LRMDA: variants seen among roughly 807,000 people sequenced by gnomAD.
LRMDA encodes leucine rich melanocyte differentiation associated.
Under a neutral mutation model 29.8 loss-of-function variants are expected in LRMDA, and 18 were observed. That is an observed-to-expected ratio of 0.60 (90% CI 0.42 to 0.90). The LOEUF is 0.90. Among genes scored for constraint, LRMDA ranks in the 40% least tolerant of loss-of-function variants. The probability of loss-of-function intolerance (pLI) is 0.00; values close to 1 mark genes in which losing one functional copy is unlikely to be tolerated. For missense variants in LRMDA, 273 were observed against 273.9 expected, an observed-to-expected ratio of 1.00 and a Z score of 0.02; for synonymous variants, 125 against 109.4, an observed-to-expected ratio of 1.14 and a Z score of -0.89.
At chr10:76,532,273 A>G (rs1843242614) in intron 6 of LRMDA, among the ~76,000 whole-genome samples, 1 of 152,138 alleles carries the variant, frequency 6.6e-6, no homozygotes, top group South Asian at 2.1e-4. Flanking sequence ...GAGAACATGC[A>G]CAAACCTCTA....
intron 2 of LRMDA, among the ~76,000 whole-genome samples, chr10:75,849,140 T>C (rs992696317): frequency 2.6e-5 from 4 of 152,160 alleles, no homozygotes; most frequent in African/African-American, 9.7e-5. Context: ...GTGACCCTCG[T>C]CCCAGTGTCC....
At position 75,636,561 on chromosome 10, in the gene LRMDA, G is replaced by A. The variant is rs567338034; in HGVS notation, c.131+198067G>A. 2.6e-5 allele frequency among the ~76,000 whole-genome samples: 4 copies of A among 152,068 alleles called. No homozygotes were observed. In the East Asian group the frequency reaches 7.7e-4, roughly 29 times the overall value. ...ATTGCCTTTTTTCATTTTTTTTCATGAGATGTATTATTTATAAAATAAGAA... is the reference window on the plus strand; with the variant it reads ...ATTGCCTTTTTTCATTTTTTTTCATAAGATGTATTATTTATAAAATAAGAA... On this transcript the variant is annotated intron_variant, in intron 2 of 6. Transcript: ENST00000611255.
intron 5 of LRMDA, among the ~76,000 whole-genome samples, chr10:76,113,978 G>T (rs935628270): frequency 6.6e-6 from 1 of 152,202 alleles, no homozygotes; most frequent in Non-Finnish European, 1.5e-5. Context: ...GTTTTAAGTT[G>T]GTGCTTATAC....
At chr10:76,040,799 G>A (rs1041520206) in intron 3 of LRMDA, among the ~76,000 whole-genome samples, 1 of 152,222 alleles carries the variant, frequency 6.6e-6, no homozygotes, top group Non-Finnish European at 1.5e-5. Context: ...CACATAAGCA[G>A]ATTTTATTTG....
chr10:76,003,163 A>T (rs11001572), intron 2 of LRMDA, among the ~76,000 whole-genome samples: 5,239 of 152,094 alleles, frequency 0.034, 313 homozygotes, highest in African/African-American at 0.12. Flanking sequence ...AGGGAGCGCC[A>T]CCCCTGGCTG....
intron 2 of LRMDA, among the ~76,000 whole-genome samples, chr10:75,957,970 A>G (rs1846693647): frequency 6.6e-6 from 1 of 152,200 alleles, no homozygotes; most frequent in Admixed American, 6.5e-5. Flanking sequence ...TAGAGTAAAG[A>G]ACCCGTCATG....
intron 2 of LRMDA, among the ~76,000 whole-genome samples, chr10:75,474,276 T>C (rs1844761971): frequency 6.6e-6 from 1 of 152,192 alleles, no homozygotes; most frequent in Non-Finnish European, 1.5e-5. Flanking sequence ...TGTGTATGTG[T>C]CTCAGTTGGG....
chr10:75,793,333 T>A (rs1177777595), intron 2 of LRMDA, among the ~76,000 whole-genome samples: 1 of 152,100 alleles, frequency 6.6e-6, no homozygotes, highest in African/African-American at 2.4e-5. Context: ...AGGAAAGCAG[T>A]GTACTGGGTT....
chr10:75,736,510 C>T (rs1314182202), intron 2 of LRMDA, among the ~76,000 whole-genome samples: 3 of 152,170 alleles, frequency 2.0e-5, no homozygotes, highest in Admixed American at 2.0e-4. Flanking sequence ...TGATTGCATA[C>T]TGTGAATACT....
At chr10:76,113,927 C>A (rs1368880211) in intron 5 of LRMDA, among the ~76,000 whole-genome samples, 1 of 152,188 alleles carries the variant, frequency 6.6e-6, no homozygotes, top group Non-Finnish European at 1.5e-5. Context: ...GGTTGGTTTG[C>A]AGCACAGTTT....
At chr10:75,795,995 C>T (rs901150446) in intron 2 of LRMDA, among the ~76,000 whole-genome samples, 11 of 151,958 alleles carry the variant, frequency 7.2e-5, no homozygotes, top group African/African-American at 2.7e-4. Context: ...AATCATTTTC[C>T]AGTTCTTTGC....
chr10:76,373,576 T>G (rs932928369), intron 6 of LRMDA, among the ~76,000 whole-genome samples: 1 of 152,160 alleles, frequency 6.6e-6, no homozygotes, highest in Non-Finnish European at 1.5e-5. Context: ...CTGTGTTTTT[T>G]AAGTCACTAC....
intron 2 of LRMDA, among the ~76,000 whole-genome samples, chr10:76,021,091 G>T (rs1397990100): frequency 6.6e-6 from 1 of 152,218 alleles, no homozygotes; most frequent in Non-Finnish European, 1.5e-5. Context: ...TTAATTAATT[G>T]TCAAGGAGAC....
At chr10:76,006,656 A>G (rs879368727) in intron 2 of LRMDA, among the ~76,000 whole-genome samples, 1 of 152,206 alleles carries the variant, frequency 6.6e-6, no homozygotes, top group Admixed American at 6.5e-5. Context: ...TAATTGAGGT[A>G]CTTTGAATTA....
chr10:75,648,566 A>T (rs1187844293), intron 2 of LRMDA, among the ~76,000 whole-genome samples: 1 of 152,074 alleles, frequency 6.6e-6, no homozygotes, highest in African/African-American at 2.4e-5. Flanking sequence ...TGGGGATGTG[A>T]GCAGAAATAC....
chr10:75,611,621 A>G (rs1841033264), intron 2 of LRMDA, among the ~76,000 whole-genome samples: 1 of 152,156 alleles, frequency 6.6e-6, no homozygotes, highest in South Asian at 2.1e-4. Flanking sequence ...GGATGCATAC[A>G]GGACTTTTGT....
Position 75,955,052 on chromosome 10 carries a change from A to G in LRMDA, c.132-80956A>G, listed in dbSNP as rs901548035. ...GCAGTTTAATTGCTTTGTTTTTCTC[A>G]GTGTTACATAAAATCATGCTGTATT... On this transcript the variant is annotated intron_variant, in intron 2 of 6. Transcript: ENST00000611255. 2.6e-5 allele frequency among the ~76,000 whole-genome samples: 4 copies of G among 152,232 alleles called. No homozygotes were observed. The East Asian group carries it at 7.7e-4, about 29-fold the overall frequency.
chr10:75,898,980 A>G (rs1845628322), intron 2 of LRMDA, among the ~76,000 whole-genome samples: 1 of 152,196 alleles, frequency 6.6e-6, no homozygotes, highest in South Asian at 2.1e-4. Flanking sequence ...CCATGTGTGT[A>G]TCTTTCCACA....
chr10:76,138,882 G>A (rs1850146391), intron 5 of LRMDA, among the ~76,000 whole-genome samples: 1 of 152,110 alleles, frequency 6.6e-6, no homozygotes, highest in Non-Finnish European at 1.5e-5. Context: ...GTGTTATCAA[G>A]GAAATAATTT....
Sources: allele counts gnomAD v4.1 joint callset (sites outside exome capture counted in the v4.1 genomes callset), GRCh38; gene constraint gnomAD v4.1.1; transcripts MANE v1.5; gene names NCBI Gene and HGNC (gene_info 2026-07-23, HGNC 2026-07-21).